Variants in PTPRD observed in about 807,000 individuals in gnomAD.
PTPRD encodes the protein protein tyrosine phosphatase receptor type D, also known as receptor-type tyrosine-protein phosphatase delta.
Under a neutral mutation model 214.5 loss-of-function variants are expected in PTPRD, and 34 were observed. That is an observed-to-expected ratio of 0.16 (90% CI 0.12 to 0.21). The LOEUF (loss-of-function observed/expected upper bound fraction) is 0.21, where lower values mean the gene tolerates loss of function less well. PTPRD is among the 10% of genes least tolerant of loss of function. The probability of loss-of-function intolerance (pLI) is 1.00; values close to 1 mark genes in which losing one functional copy is unlikely to be tolerated. For missense variants in PTPRD, 2,545 were observed against 2,398.7 expected (o/e 1.06, Z -1.27); for synonymous variants, 1,128 against 845.7 (o/e 1.33, Z -5.79).
At chr9:9,397,298 G>T (rs2068262981) in intron 9 of PTPRD, among the ~76,000 whole-genome samples, 151 bp downstream of exon 9, 1 of 151,878 alleles carries the variant, frequency 6.6e-6, no homozygotes, top group Non-Finnish European at 1.5e-5. Context: ...TTGAAAAGAA[G>T]AAACAAAACA....
chr9:8,336,662 A>G (rs1478889051), intron 43 of PTPRD, among the ~76,000 whole-genome samples: 1 of 151,602 alleles, frequency 6.6e-6, no homozygotes, highest in Non-Finnish European at 1.5e-5. Flanking sequence ...ATCAGAGTGA[A>G]CAGGCAACCT....
chr9:9,829,419 G>T (rs1481739176), intron 5 of PTPRD, among the ~76,000 whole-genome samples: 1 of 151,824 alleles, frequency 6.6e-6, no homozygotes, highest in Non-Finnish European at 1.5e-5. Context: ...AAGCACAGGT[G>T]TTGTGGAATT....
At chr9:9,375,563 T>C (rs950713097) in intron 9 of PTPRD, among the ~76,000 whole-genome samples, 1 of 152,092 alleles carries the variant, frequency 6.6e-6, no homozygotes, top group Non-Finnish European at 1.5e-5. Context: ...GCCACTGCAC[T>C]CTAGCCTGGG....
chr9:10,047,308 C>G (rs2097420388), intron 3 of PTPRD, among the ~76,000 whole-genome samples: 1 of 117,300 alleles, frequency 8.5e-6, no homozygotes, highest in East Asian at 2.1e-4. Flanking sequence ...ATAAAATCAA[C>G]TAACTGTGTG....
At chr9:10,005,746 CAT>C (rs1256816427) in intron 4 of PTPRD, among the ~76,000 whole-genome samples, 3 of 151,982 alleles carry the variant, frequency 2.0e-5, no homozygotes, top group Admixed American at 1.3e-4. Context: ...TGAAAATATA[CAT>C]AGTCTTTAAC....
intron 9 of PTPRD, among the ~76,000 whole-genome samples, chr9:9,363,050 G>C (rs907169996): frequency 6.7e-6 from 1 of 149,596 alleles, no homozygotes; most frequent in African/African-American, 2.5e-5. Context: ...TTTTCCTTGA[G>C]AGTTCTGGAA....
intron 3 of PTPRD, among the ~76,000 whole-genome samples, chr9:10,208,478 C>T (rs1376151960): frequency 6.6e-6 from 1 of 152,218 alleles, no homozygotes; most frequent in Non-Finnish European, 1.5e-5. Context: ...CGCGCCACTG[C>T]ACTCCAGCCT....
At chr9:9,450,958 C>CACACACAG (rs1309523630) in intron 8 of PTPRD, among the ~76,000 whole-genome samples, 38 of 149,884 alleles carry the variant, frequency 2.5e-4, no homozygotes, top group African/African-American at 9.1e-4. Flanking sequence ...CATACACACA[C>CACACACAG]ACACACACAC....
chr9:8,333,867 C>T (rs1330901193), intron 43 of PTPRD, among the ~76,000 whole-genome samples: 1 of 152,028 alleles, frequency 6.6e-6, no homozygotes, highest in East Asian at 1.9e-4. Flanking sequence ...AAAAAAAGAG[C>T]AGGGGTTGCA....
chr9:8,693,780 G>A (rs1321094037), intron 12 of PTPRD, among the ~76,000 whole-genome samples: 1 of 152,192 alleles, frequency 6.6e-6, no homozygotes, highest in Non-Finnish European at 1.5e-5. Context: ...AAGCAAAGCT[G>A]AGAAAACAAC....
intron 10 of PTPRD, among the ~76,000 whole-genome samples, chr9:9,041,711 C>T (rs2099640425): frequency 6.6e-6 from 1 of 152,160 alleles, no homozygotes; most frequent in South Asian, 2.1e-4. Flanking sequence ...AAAGTTAGCA[C>T]TGGAAGGCAT....
chr9:8,875,366 AT>A (rs71500966), intron 11 of PTPRD, among the ~76,000 whole-genome samples: 17 of 150,736 alleles, frequency 1.1e-4, no homozygotes, highest in South Asian at 6.3e-4. Context: ...TACAAAAATA[AT>A]TTTTTTTTTA....
intron 15 of PTPRD, chr9:8,528,266 AAAG>A (rs2074734831): frequency 4.7e-6 from 2 of 426,756 alleles, no homozygotes; most frequent in East Asian, 3.5e-5. Flanking sequence ...GAAAACAGAG[AAAG>A]AAGAAAGAAA....
At position 10,403,227 on chromosome 9, in the gene PTPRD, AATATATATAT is replaced by A. The variant is rs58712564; in HGVS notation, c.-599-62220_-599-62211del. On this transcript the variant is annotated intron_variant, in intron 2 of 45. Transcript: ENST00000381196. ...TTTCTGTTATTTGTGTGTGTGTGTA[AATATATATAT>A]ATATATATATATATATATATATGAA... 4.2e-3 allele frequency among the ~76,000 whole-genome samples: 250 copies of A among 59,876 alleles called. 8 individuals are homozygous for A. The highest frequency in any genetic ancestry group is 0.03 in the East Asian group (76 of 2,556). The allele number at this position is 59,876 out of a possible 152,430, so 39.3% of individuals were successfully genotyped here.
chr9:9,393,062 A>C lies in PTPRD; in HGVS notation c.-203+4387T>G, dbSNP rs1416425579. Among the ~76,000 whole-genome samples the C allele has an allele frequency of 3.9e-5, 6 of 152,160 alleles. No homozygotes were observed. The South Asian group carries it at 1.2e-3, about 32-fold the overall frequency. Reference sequence around the variant, plus strand: ...TCGGCTTCCCTCTTGCTCAGCTGAAAGTTTTTCTCTTTTTCCTTTTTTACC... The same window carrying C: ...TCGGCTTCCCTCTTGCTCAGCTGAACGTTTTTCTCTTTTTCCTTTTTTACC... On this transcript the variant is annotated intron_variant, in intron 9 of 45. Coordinates refer to ENST00000381196, the MANE Select transcript of PTPRD (RefSeq NM_002839.4).
chr9:10,407,873 A>G lies in PTPRD; in HGVS notation c.-599-66856T>C, dbSNP rs1466396250. Among the ~76,000 whole-genome samples the G allele has an allele frequency of 4.0e-5, 6 of 151,702 alleles. No individual in the cohort carries two copies. The East Asian group carries it at 1.2e-3, about 30-fold the overall frequency. Reference sequence around the variant, plus strand: ...TCAATTTTTTTTTAAATTTTAACAAATTAAAATTTGTTTTGGATATAAATT... The same window carrying G: ...TCAATTTTTTTTTAAATTTTAACAAGTTAAAATTTGTTTTGGATATAAATT... On this transcript the variant is annotated intron_variant, in intron 2 of 45. Transcript: ENST00000381196.
At chr9:8,513,999 A>G (rs1451655273) in intron 21 of PTPRD, among the ~76,000 whole-genome samples, 1 of 152,142 alleles carries the variant, frequency 6.6e-6, no homozygotes, top group Non-Finnish European at 1.5e-5. Context: ...GGGAATAACT[A>G]TTCTAATATA....
At chr9:10,504,157 T>C (rs1589615610) in intron 2 of PTPRD, among the ~76,000 whole-genome samples, 1 of 89,136 alleles carries the variant, frequency 1.1e-5, no homozygotes, top group Non-Finnish European at 2.3e-5. Flanking sequence ...ACGGGGAAAG[T>C]GTCATTGAAT....
intron 3 of PTPRD, among the ~76,000 whole-genome samples, chr9:10,072,532 G>A (rs932184883): frequency 6.6e-6 from 1 of 152,092 alleles, no homozygotes; most frequent in African/African-American, 2.4e-5. Flanking sequence ...GGGGACATGA[G>A]CGGGTTGCCA....
Sources: gnomAD v4.1 joint callset for allele counts (sites outside exome capture counted in the v4.1 genomes callset) on GRCh38, gnomAD v4.1.1 for gene constraint, MANE v1.5 for transcripts, NCBI Gene and HGNC (gene_info 2026-07-23, HGNC 2026-07-21) for gene names.